The following AGMO variants were observed in gnomAD, a reference collection of about 807,000 sequenced individuals.
AGMO encodes alkylglycerol monooxygenase.
AGMO carries 75 observed loss-of-function variants against 60.2 expected under a neutral mutation model. The ratio of observed to expected loss-of-function variants is 1.25; its 90% CI spans 1.03 to 1.51. The LOEUF (loss-of-function observed/expected upper bound fraction) is 1.51. Ranked by LOEUF, AGMO falls within the 40% of genes most tolerant of loss-of-function variation. The pLI is 0.00. For missense variants in AGMO, 763 were observed against 525.5 expected, an observed-to-expected ratio of 1.45 and a Z score of -4.42; for synonymous variants, 261 against 177.1, an observed-to-expected ratio of 1.47 and a Z score of -3.76.
At chr7:15,528,717 C>G (rs1784189973) in intron 3 of AGMO, among the ~76,000 whole-genome samples, 1 of 152,144 alleles carries the variant, frequency 6.6e-6, no homozygotes, top group Admixed American at 6.6e-5. Flanking sequence ...GGCACGATCT[C>G]GGCTCACCGC....
the AGMO span, among the ~76,000 whole-genome samples, chr7:15,132,970 G>T: frequency 6.6e-6 from 1 of 152,110 alleles, no homozygotes; most frequent in Non-Finnish European, 1.5e-5. Flanking sequence ...GGGGAGCACG[G>T]TTATAATGGT....
At chr7:15,299,886 C>CACAA (rs774065679) in intron 12 of AGMO, among the ~76,000 whole-genome samples, 15,139 of 114,354 alleles carry the variant, frequency 0.13, 1,446 homozygotes, top group Middle Eastern at 0.2. Context: ...CACACACACA[C>CACAA]AGTATGTTTT....
intron 10 of AGMO, among the ~76,000 whole-genome samples, chr7:15,368,529 TTAAA>T (rs1562463493): frequency 1.3e-5 from 2 of 152,160 alleles, no homozygotes; most frequent in East Asian, 3.9e-4. Flanking sequence ...ATTTGACATT[TTAAA>T]GCCTCAGCTA....
At chr7:15,142,395 A>G in the AGMO span, among the ~76,000 whole-genome samples, 1 of 152,278 alleles carries the variant, frequency 6.6e-6, no homozygotes, top group African/African-American at 2.4e-5. Context: ...ATTACTGTAC[A>G]GCTCTGAAGA....
intron 5 of AGMO, among the ~76,000 whole-genome samples, chr7:15,411,327 G>C (rs1780598168): frequency 6.6e-6 from 1 of 151,790 alleles, no homozygotes; most frequent in Non-Finnish European, 1.5e-5. Context: ...ATGATACTTT[G>C]TATTGTTATA....
the AGMO span, among the ~76,000 whole-genome samples, chr7:15,159,493 TC>T: frequency 1.3e-5 from 2 of 152,056 alleles, no homozygotes; most frequent in Non-Finnish European, 2.9e-5. Context: ...TACTACTTTC[TC>T]CCTAGGCTCA....
chr7:15,170,514 C>T, the AGMO span, among the ~76,000 whole-genome samples: 4 of 152,038 alleles, frequency 2.6e-5, no homozygotes, highest in Non-Finnish European at 4.4e-5. Context: ...ATGCATACAT[C>T]TATATGCACT....
chr7:15,346,729 G>C (rs1473119668), intron 12 of AGMO, among the ~76,000 whole-genome samples: 1 of 151,734 alleles, frequency 6.6e-6, no homozygotes, highest in East Asian at 1.9e-4. Context: ...AAATCAACTT[G>C]ACCCTAAGTA....
At chr7:15,414,094 G>A (rs953880428) in intron 5 of AGMO, among the ~76,000 whole-genome samples, 2 of 149,842 alleles carry the variant, frequency 1.3e-5, no homozygotes, top group African/African-American at 2.5e-5. Context: ...TGCAAGCTCC[G>A]CCTCCCAGGT....
chr7:15,429,404 G>A (rs568522974), intron 4 of AGMO, among the ~76,000 whole-genome samples: 1 of 152,006 alleles, frequency 6.6e-6, no homozygotes, highest in African/African-American at 2.4e-5. Context: ...AACGCCATGT[G>A]AAAATAAGAA....
chr7:15,396,825 TGA>T lies in AGMO; in HGVS notation c.610-2648_610-2647del, dbSNP rs112308174. Among the ~76,000 whole-genome samples, 1,489 of 152,274 alleles carry T rather than the reference TGA, an allele frequency of 9.8e-3. 18 individuals are homozygous for T. Among genetic ancestry groups the T allele is most frequent in the African/African-American group, 0.033 (1,364 of 41,552 alleles). ...TTACAGAGAGCTGATTGGTCCATTT[TGA>T]GAGAGTGCTGAGTGGTGCGTTTACA... On this transcript the variant is annotated intron_variant, in intron 5 of 12. Coordinates refer to ENST00000342526, the MANE Select transcript of AGMO (RefSeq NM_001004320.2).
chr7:15,479,736 A>C (rs144767552), intron 3 of AGMO, among the ~76,000 whole-genome samples: 9 of 152,276 alleles, frequency 5.9e-5, no homozygotes, highest in Middle Eastern at 3.4e-3. Context: ...GTTGTGCTAA[A>C]TGCAAGGGAT....
chr7:15,504,728 A>C (rs2128526869), intron 3 of AGMO, among the ~76,000 whole-genome samples: 1 of 151,706 alleles, frequency 6.6e-6, no homozygotes, highest in African/African-American at 2.4e-5. Flanking sequence ...TTATCCAGAC[A>C]GGGTTAAAAA....
chr7:15,550,040 A>G (rs1189852138), intron 2 of AGMO, among the ~76,000 whole-genome samples: 2 of 152,206 alleles, frequency 1.3e-5, no homozygotes, highest in Admixed American at 6.5e-5. Flanking sequence ...CTACATGGTA[A>G]CTGAACAACC....
At chr7:15,154,698 G>A in the AGMO span, among the ~76,000 whole-genome samples, 30 of 152,178 alleles carry the variant, frequency 2.0e-4, no homozygotes, top group South Asian at 1.0e-3. Context: ...TTATAGTGTC[G>A]GTGAGCTATG....
At chr7:15,396,457 G>C (rs1401221669) in intron 5 of AGMO, 3 of 152,246 alleles carry the variant, frequency 2.0e-5, no homozygotes, top group African/African-American at 7.2e-5. Context: ...ACACCTTCCG[G>C]GTGAGCATTA....
At chr7:15,505,368 A>G (rs1020194080) in intron 3 of AGMO, among the ~76,000 whole-genome samples, 5 of 151,990 alleles carry the variant, frequency 3.3e-5, no homozygotes, top group African/African-American at 1.2e-4. Context: ...AGAGAATCCA[A>G]AGCTAAAACG....
At chr7:15,276,990 G>C (rs1208630564) in intron 12 of AGMO, among the ~76,000 whole-genome samples, 1 of 150,462 alleles carries the variant, frequency 6.6e-6, no homozygotes, top group African/African-American at 2.4e-5. Flanking sequence ...GAATCTCATT[G>C]AGTTTTCTTA....
rs189375110 is a variant in AGMO, at chr7:15,561,921, C to G, written c.-76G>C. 106 of 1,465,332 alleles carry G rather than the reference C, an allele frequency of 7.2e-5. No individual in the cohort carries two copies. Among genetic ancestry groups the G allele is most frequent in the Non-Finnish European group, 1.9e-5 (21 of 1,087,138 alleles). The allele number at this position is 1,465,332 out of a possible 1,614,324, so 90.8% of individuals were successfully genotyped here. ...GAAGCCTGAGGCTGAACAAAGAGGACGAGATGTGCAGCTCAGAACAAGCTC... is the reference window on the plus strand; with the variant it reads ...GAAGCCTGAGGCTGAACAAAGAGGAGGAGATGTGCAGCTCAGAACAAGCTC... On this transcript the variant is annotated 5_prime_UTR_variant, in exon 1 of 13. Transcript: ENST00000342526.
Sources: allele counts gnomAD v4.1 joint callset (sites outside exome capture counted in the v4.1 genomes callset), GRCh38; gene constraint gnomAD v4.1.1; transcripts MANE v1.5; gene names NCBI Gene and HGNC (gene_info 2026-07-23, HGNC 2026-07-21).